The following ADCY7 variants were observed in gnomAD, a reference collection of about 807,000 sequenced individuals.
The protein encoded by ADCY7 is adenylate cyclase type 7.
In ADCY7, 72 loss-of-function variants were observed where a neutral mutation model predicts 120.6. That is an observed-to-expected ratio of 0.60 (90% CI 0.49 to 0.73). ADCY7 has a LOEUF of 0.73. Among genes scored for constraint, ADCY7 ranks in the 30% least tolerant of loss-of-function variants. The pLI is 0.00. For synonymous variants in ADCY7, 661 were observed against 628.0 expected (o/e 1.05, Z -0.78); for missense variants, 1,227 against 1,486.0 (o/e 0.83, Z 2.87).
At chr16:50,270,486 G>A (rs1378048572) in intron 1 of ADCY7, among the ~76,000 whole-genome samples, 1 of 152,214 alleles carries the variant, frequency 6.6e-6, no homozygotes, top group African/African-American at 2.4e-5. Flanking sequence ...GGTTGGTAAA[G>A]GTACCCCCTG....
intron 23 of ADCY7, 63 bp downstream of exon 23, chr16:50,314,125 TACTTA>T: frequency 6.5e-7 from 1 of 1,528,668 alleles, no homozygotes; most frequent in Non-Finnish European, 9.0e-7. Flanking sequence ...CCTGTCACCT[TACTTA>T]AAGGGTGTGC....
At chr16:50,266,020 C>A (rs1393324716), upstream of ADCY7, among the ~76,000 whole-genome samples, 1 of 152,178 alleles carries the variant, frequency 6.6e-6, no homozygotes, top group East Asian at 1.9e-4. Context: ...CAAGGATGGG[C>A]CTGCCCCTGC....
intron 1 of ADCY7, among the ~76,000 whole-genome samples, chr16:50,274,417 G>C (rs1230085562): frequency 6.6e-6 from 1 of 150,422 alleles, no homozygotes; most frequent in Non-Finnish European, 1.5e-5. Context: ...TTCTGTGTGG[G>C]TGCAGGTCCG....
At position 50,310,895 on chromosome 16, in the gene ADCY7, GT is replaced by G; in HGVS notation, c.2354+16del. ...GGCACCACCAGGTGGGGTCCCGCCC[GT>G]CCCCGTCCCCATCCCCATGGTGGCC... On this transcript the variant is annotated intron_variant, in intron 19 of 25. Transcript: ENST00000673801. 6.4e-7 allele frequency: 1 copy of G among 1,566,402 alleles called. No homozygotes were observed. The highest frequency in any genetic ancestry group is 1.4e-5 in the African/African-American group (1 of 73,906).
At chr16:50,251,000 C>A (rs1031312197) in intron 1 of ADCY7, among the ~76,000 whole-genome samples, 2 of 151,824 alleles carry the variant, frequency 1.3e-5, no homozygotes, top group Admixed American at 1.3e-4. Context: ...TTTGGGAGGC[C>A]AAGGTAGGAG....
At chr16:50,256,490 C>T (rs772274536) in intron 1 of ADCY7, among the ~76,000 whole-genome samples, 14 of 151,968 alleles carry the variant, frequency 9.2e-5, no homozygotes, top group Non-Finnish European at 1.8e-4. Flanking sequence ...ATTGCTTGAG[C>T]CTGGGAGTTT....
At chr16:50,313,186 GT>G (rs1209416729) in intron 22 of ADCY7, 150 bp downstream of exon 22, 8 of 1,047,706 alleles carry the variant, frequency 7.6e-6, no homozygotes, top group Non-Finnish European at 9.4e-6. Flanking sequence ...GGAGGTCAAG[GT>G]GGGTGGATCA....
intron 1 of ADCY7, among the ~76,000 whole-genome samples, chr16:50,276,038 C>T (rs958947331): frequency 1.3e-5 from 2 of 152,258 alleles, no homozygotes; most frequent in African/African-American, 4.8e-5. Context: ...ACTGTGCCGT[C>T]TCCTGCCAGC....
rs754670592 is a variant in ADCY7, at chr16:50,291,874, C to T, written c.514C>T (p.Pro172Ser). Reference protein sequence around the residue: ...LGSLMGGFTTPSVRVGLQLLA... With the variant: ...LGSLMGGFTTSSVRVGLQLLA... ...TTCTTTGATGGGAGGCTTCACGACA[C>T]CCAGTGTCCGGGTGGGGCTGCAGGT... The change falls in exon 4 of 26, where the codon CCC becomes TCC. Residue 172 changes from proline (P) to serine (S), a missense_variant. Physicochemically the swap from Pro to Ser is moderately conservative, Grantham distance 74. Around this residue, in one of 5 missense-constraint regions of ADCY7, gnomAD observed 382 missense variants for 411.4 expected, o/e 0.93. Coordinates refer to ENST00000673801, the MANE Select transcript of ADCY7 (RefSeq NM_001114.5). 6.2e-7 allele frequency: 1 copy of T among 1,613,094 alleles called. No individual in the cohort carries two copies. The highest frequency in any genetic ancestry group is 8.5e-7 in the Non-Finnish European group (1 of 1,179,368).
intron 1 of ADCY7, among the ~76,000 whole-genome samples, chr16:50,250,591 A>C (rs60227450): frequency 0.011 from 1,627 of 151,196 alleles, 31 homozygotes; most frequent in African/African-American, 0.038. Context: ...CAATGTGGTG[A>C]AACTCTGTCT....
intron 3 of ADCY7, among the ~76,000 whole-genome samples, 164 bp from the exon 4 acceptor site, chr16:50,291,572 A>T (rs527981875): frequency 1.1e-4 from 16 of 152,122 alleles, no homozygotes; most frequent in African/African-American, 3.6e-4. Flanking sequence ...CTAGAAACAC[A>T]TTATGGCTTT....
At chr16:50,293,846 G>A (rs903124644) in intron 6 of ADCY7, among the ~76,000 whole-genome samples, 3 of 152,232 alleles carry the variant, frequency 2.0e-5, no homozygotes, top group African/African-American at 4.8e-5. Context: ...CCAGAATGAG[G>A]TAAAGCCCCC....
At chr16:50,314,993 A>T (rs756512216) in intron 24 of ADCY7, 21 bp from the exon 25 acceptor site, 2 of 1,613,716 alleles carry the variant, frequency 1.2e-6, no homozygotes, top group Non-Finnish European at 1.7e-6. Flanking sequence ...ACGCTTGGGT[A>T]ACTGTAAACA....
intron 1 of ADCY7, among the ~76,000 whole-genome samples, chr16:50,285,823 G>A (rs185112923): frequency 2.2e-4 from 34 of 152,326 alleles, no homozygotes; most frequent in Admixed American, 2.1e-3. Context: ...GAGACTGATG[G>A]GGATCCCTGG....
intron 15 of ADCY7, 33 bp downstream of exon 15, chr16:50,307,180 C>A (rs1470745689): frequency 6.3e-7 from 1 of 1,590,786 alleles, no homozygotes; most frequent in Non-Finnish European, 8.6e-7. Flanking sequence ...GGGGTCCGGC[C>A]TGCTGGGATC....
In ADCY7 at chr16:50,317,925, A is replaced by AAG. The variant is rs1366411695; in HGVS notation, c.*2422_*2423dup. 6.6e-6 allele frequency: 1 copy of AAG among 152,328 alleles called. No individual in the cohort carries two copies. Among genetic ancestry groups the AAG allele is most frequent in the Non-Finnish European group, 1.5e-5 (1 of 68,026 alleles). 9.4% of individuals were successfully genotyped at this position (152,328 alleles called of 1,614,324 possible). On this transcript the variant is annotated 3_prime_UTR_variant, in exon 26 of 26. Coordinates refer to ENST00000673801, the MANE Select transcript of ADCY7 (RefSeq NM_001114.5). The stretch of plus-strand genomic sequence containing the variant: ...ACAAACAAACAAACAAACAGAAGAG[A>AAG]AGATCATTAACCACTGTATACTTTG...
intron 1 of ADCY7, among the ~76,000 whole-genome samples, chr16:50,267,989 G>C (rs1269122915): frequency 6.6e-6 from 1 of 152,140 alleles, no homozygotes; most frequent in African/African-American, 2.4e-5. Context: ...TGCAGAGTGT[G>C]GGGGAGGGGA....
At chr16:50,313,601 A>G (rs1226236956) in intron 22 of ADCY7, 2 of 250,876 alleles carry the variant, frequency 8.0e-6, no homozygotes, top group East Asian at 8.2e-5. Flanking sequence ...TTCATTTCCA[A>G]CTAAGCCCAC....
intron 6 of ADCY7, 130 bp downstream of exon 6, chr16:50,293,632 A>G (rs1322717151): frequency 8.3e-7 from 1 of 1,198,854 alleles, no homozygotes; most frequent in South Asian, 1.5e-5. Flanking sequence ...AGAGGGCCCC[A>G]TGGTTCCAGG....
Sources: allele counts gnomAD v4.1 joint callset (sites outside exome capture counted in the v4.1 genomes callset), GRCh38; gene constraint gnomAD v4.1.1; regional missense constraint gnomAD v4.1.1; transcripts MANE v1.5; gene names NCBI Gene and HGNC (gene_info 2026-07-23, HGNC 2026-07-21).